Variants in SGCD observed in about 807,000 individuals in gnomAD.
SGCD encodes the protein sarcoglycan delta, also known as delta-sarcoglycan.
Under a neutral mutation model 36.6 loss-of-function variants are expected in SGCD, and 18 were observed. That is an observed-to-expected ratio of 0.49 (90% CI 0.34 to 0.73). SGCD has a LOEUF of 0.73. Ranked by LOEUF, SGCD falls within the 30% of genes least tolerant of loss-of-function variation. SGCD has a pLI of 0.01. For missense variants in SGCD, 387 were observed against 346.7 expected (o/e 1.12, Z -0.92); for synonymous variants, 133 against 130.6 (o/e 1.02, Z -0.12).
the SGCD span, among the ~76,000 whole-genome samples, chr5:155,813,305 TAAAG>T: frequency 1.3e-5 from 2 of 151,990 alleles, no homozygotes. Context: ...CTTGAAAAAG[TAAAG>T]AAAGAAAGGC....
the SGCD span, among the ~76,000 whole-genome samples, chr5:155,826,127 A>C: frequency 9.4e-4 from 143 of 152,326 alleles, no homozygotes; most frequent in African/African-American, 3.2e-3. Context: ...GCAAACCATT[A>C]GTAAGTTAAG....
intron 1 of SGCD, among the ~76,000 whole-genome samples, chr5:156,030,732 G>A (rs139696532): frequency 2.0e-5 from 3 of 151,938 alleles, no homozygotes; most frequent in South Asian, 2.1e-4. Flanking sequence ...ATTGAGAGAA[G>A]TTTCATGGGG....
At chr5:156,282,280 C>T (rs1034103464) in intron 3 of SGCD, among the ~76,000 whole-genome samples, 1 of 152,170 alleles carries the variant, frequency 6.6e-6, no homozygotes, top group Non-Finnish European at 1.5e-5. Context: ...ACCTAATACA[C>T]TTTAACTTGC....
At chr5:155,838,777 A>G in the SGCD span, among the ~76,000 whole-genome samples, 1 of 26,872 alleles carries the variant, frequency 3.7e-5, no homozygotes. Flanking sequence ...GAGATTTGCA[A>G]AAAAAAAAAA....
the SGCD span, among the ~76,000 whole-genome samples, chr5:155,859,146 TA>T: frequency 6.6e-6 from 1 of 151,950 alleles, no homozygotes. Flanking sequence ...ACTGCAGCCG[TA>T]ACCCCCAGAC....
At chr5:156,055,177 G>T (rs2127582264) in intron 1 of SGCD, among the ~76,000 whole-genome samples, 1 of 145,290 alleles carries the variant, frequency 6.9e-6, no homozygotes, top group East Asian at 1.9e-4. Flanking sequence ...GAAGAATTCA[G>T]CCCTGAGGCT....
chr5:156,315,180 T>G (rs1455689197), intron 3 of SGCD, among the ~76,000 whole-genome samples: 1 of 151,944 alleles, frequency 6.6e-6, no homozygotes, highest in Non-Finnish European at 1.5e-5. Context: ...TGGGATTATT[T>G]GTACTCTTTC....
the SGCD span, among the ~76,000 whole-genome samples, chr5:155,749,944 C>A: frequency 6.6e-6 from 1 of 152,182 alleles, no homozygotes; most frequent in Non-Finnish European, 1.5e-5. Context: ...AGTTTTAAAG[C>A]AAATGTGCTT....
At chr5:156,451,338 G>T (rs1335057355) in intron 3 of SGCD, among the ~76,000 whole-genome samples, 2 of 152,146 alleles carry the variant, frequency 1.3e-5, no homozygotes, top group East Asian at 3.9e-4. Flanking sequence ...TTAATGCATA[G>T]ATTTCAACAA....
chr5:156,184,315 G>C (rs908574161), intron 3 of SGCD, among the ~76,000 whole-genome samples: 1 of 149,590 alleles, frequency 6.7e-6, no homozygotes, highest in Admixed American at 6.7e-5. Context: ...ACAACTAAAA[G>C]AACTGAAAAT....
At chr5:156,644,821 C>T (rs1274709969) in intron 6 of SGCD, among the ~76,000 whole-genome samples, 1 of 152,036 alleles carries the variant, frequency 6.6e-6, no homozygotes, top group African/African-American at 2.4e-5. Flanking sequence ...ACATCTGGGA[C>T]ACTTTGAGTC....
intron 7 of SGCD, among the ~76,000 whole-genome samples, chr5:156,739,054 TTAAGATA>T: frequency 6.6e-6 from 1 of 152,296 alleles, no homozygotes; most frequent in Admixed American, 6.5e-5. Flanking sequence ...AATAAGGTAT[TTAAGATA>T]TATTAAGAGG....
At chr5:156,605,845 T>G (rs1761420217) in intron 6 of SGCD, among the ~76,000 whole-genome samples, 1 of 152,260 alleles carries the variant, frequency 6.6e-6, no homozygotes, top group Non-Finnish European at 1.5e-5. Flanking sequence ...CATAAATGTC[T>G]TCTTTTGAGA....
At chr5:156,009,532 G>A (rs1300157653) in intron 1 of SGCD, among the ~76,000 whole-genome samples, 1 of 152,140 alleles carries the variant, frequency 6.6e-6, no homozygotes, top group Non-Finnish European at 1.5e-5. Flanking sequence ...TGCTCCCAAG[G>A]CTCGGTCCAC....
In SGCD at chr5:155,936,486, A is replaced by G. The variant is rs187428520; in HGVS notation, c.-282+66062A>G. Among the ~76,000 whole-genome samples the G allele has an allele frequency of 4.3e-3, 652 of 152,284 alleles. 4 individuals carry two copies. Among genetic ancestry groups the G allele is most frequent in the Non-Finnish European group, 5.5e-3 (374 of 68,004 alleles). On this transcript the variant is annotated intron_variant, in intron 1 of 9. Transcript: ENST00000517913. ...TCCCATCATCCTTTTAGCTCTCAGC[A>G]GAGAGGAGACCCTGGAGTGTGTGGT... is the stretch of plus-strand genomic sequence containing the variant.
At chr5:156,545,591 A>G (rs568858143) in intron 4 of SGCD, among the ~76,000 whole-genome samples, 2 of 152,276 alleles carry the variant, frequency 1.3e-5, no homozygotes, top group South Asian at 4.1e-4. Flanking sequence ...TTGCATGCCC[A>G]GTTCACAGTA....
chr5:156,047,668 A>C (rs2127580153), intron 1 of SGCD, among the ~76,000 whole-genome samples: 1 of 152,250 alleles, frequency 6.6e-6, no homozygotes. Context: ...TTCTTTTCAA[A>C]ATATTCCTGC....
At chr5:156,609,760 C>G (rs1326639436) in intron 6 of SGCD, among the ~76,000 whole-genome samples, 1 of 152,178 alleles carries the variant, frequency 6.6e-6, no homozygotes, top group African/African-American at 2.4e-5. Context: ...ATACTTTTTT[C>G]TCTAAACTTC....
At chr5:156,292,623 T>C (rs1766788006) in intron 3 of SGCD, among the ~76,000 whole-genome samples, 1 of 152,118 alleles carries the variant, frequency 6.6e-6, no homozygotes. Context: ...TACCCAGAAG[T>C]AGAATTGCTG....
Sources: allele counts gnomAD v4.1 joint callset (sites outside exome capture counted in the v4.1 genomes callset), GRCh38; gene constraint gnomAD v4.1.1; transcripts MANE v1.5; gene names NCBI Gene and HGNC (gene_info 2026-07-23, HGNC 2026-07-21).